The following INSR variants were observed in gnomAD, a reference collection of about 807,000 sequenced individuals.
INSR encodes IR.
Under a neutral mutation model 142.6 loss-of-function variants are expected in INSR, and 67 were observed. The observed-to-expected ratio is 0.47, with a 90% CI of 0.39 to 0.58. The LOEUF (loss-of-function observed/expected upper bound fraction) is 0.58, where lower values mean the gene tolerates loss of function less well. Ranked by LOEUF, INSR falls within the 20% of genes least tolerant of loss-of-function variation. The pLI is 0.00. For synonymous variants in INSR, 756 were observed against 743.1 expected, an observed-to-expected ratio of 1.02 and a Z score of -0.28; for missense variants, 1,248 against 1,833.2, an observed-to-expected ratio of 0.68 and a Z score of 5.83.
intron 9 of INSR, among the ~76,000 whole-genome samples, chr19:7,154,376 C>T (rs1478797311): frequency 2.1e-5 from 3 of 139,646 alleles, no homozygotes; most frequent in East Asian, 2.3e-4. Context: ...GATCTTGGCT[C>T]ACTGCAAGCT....
At chr19:7,189,734 G>C (rs1020298739) in intron 2 of INSR, among the ~76,000 whole-genome samples, 1 of 148,884 alleles carries the variant, frequency 6.7e-6, no homozygotes, top group African/African-American at 2.5e-5. Context: ...TGCCATCTCC[G>C]CTCACTGTAA....
chr19:7,191,162 T>TG (rs1974574782), intron 2 of INSR, among the ~76,000 whole-genome samples: 1 of 152,050 alleles, frequency 6.6e-6, no homozygotes, highest in African/African-American at 2.4e-5. Context: ...ACAGGCGTGG[T>TG]GGCAGGTGCC....
At chr19:7,246,137 C>G (rs144825408) in intron 2 of INSR, among the ~76,000 whole-genome samples, 1 of 152,178 alleles carries the variant, frequency 6.6e-6, no homozygotes, top group African/African-American at 2.4e-5. Flanking sequence ...CCACTGTTTC[C>G]CACTCCAGGG....
intron 11 of INSR, among the ~76,000 whole-genome samples, chr19:7,148,590 G>C (rs1041210616): frequency 7.0e-6 from 1 of 143,466 alleles, no homozygotes; most frequent in Admixed American, 7.5e-5. Context: ...TGATTCTCCT[G>C]CCTCGGCCTC....
intron 2 of INSR, among the ~76,000 whole-genome samples, chr19:7,230,798 T>G (rs1284490259): frequency 9.6e-6 from 1 of 104,030 alleles, no homozygotes; most frequent in African/African-American, 4.1e-5. Flanking sequence ...ACAGTGAGAC[T>G]CCATCTCAAA....
intron 2 of INSR, among the ~76,000 whole-genome samples, chr19:7,213,989 C>CAAAAAAAA (rs532464276): frequency 2.1e-5 from 3 of 141,048 alleles, no homozygotes; most frequent in African/African-American, 7.9e-5. Context: ...GACTTTGTCT[C>CAAAAAAAA]AAAAAAAAAA....
In INSR at chr19:7,125,290, T is replaced by C; in HGVS notation, c.3251A>G (p.His1084Arg). The C allele has an allele frequency of 6.2e-7, 1 of 1,614,034 alleles. No homozygotes were observed. Among genetic ancestry groups the C allele is most frequent in the Non-Finnish European group, 8.5e-7 (1 of 1,180,016 alleles). ...CACCCCCACTGGACTCACCACGTGA[T>C]GGCAGGTGAAGCCCTTCATGACCGA... ...EASVMKGFTC[H>R]HVVRLLGVVS... Residue 1084 changes from histidine (H) to arginine (R), a missense_variant, in exon 17 of 22, where the codon CAT becomes CGT. Coordinates refer to ENST00000302850, the MANE Select transcript of INSR (RefSeq NM_000208.4). This position sits in a 1 kb window ranked among gnomAD's most constrained non-coding sequence, Gnocchi z 4.9.
intron 2 of INSR, among the ~76,000 whole-genome samples, chr19:7,186,068 C>T (rs1420689247): frequency 6.7e-6 from 1 of 149,502 alleles, no homozygotes; most frequent in Admixed American, 6.7e-5. Flanking sequence ...TGGTGGTGGG[C>T]GTCTGTAATC....
At position 7,267,221 on chromosome 19, in the gene INSR, G is replaced by GCCACCAC; in HGVS notation, c.652+117_652+123dup. The GCCACCAC allele has an allele frequency of 1.0e-6, 1 of 985,028 alleles. No individual in the cohort carries two copies. The highest frequency in any genetic ancestry group is 1.6e-6 in the Non-Finnish European group (1 of 632,306). The allele number at this position is 985,028 out of a possible 1,614,324, so 61.0% of individuals were successfully genotyped here. The stretch of plus-strand genomic sequence containing the variant: ...TCTGCCACTCCCTGGGCTAGTGAAT[G>GCCACCAC]CCACCACCCACTATTCCCCGGCCCC... On this transcript the variant is annotated intron_variant, in intron 2 of 21. Transcript: ENST00000302850. This position sits in a 1 kb window ranked among gnomAD's most constrained non-coding sequence, Gnocchi z 6.3.
chr19:7,174,787 T>A (rs1255215802), intron 3 of INSR, 56 bp from the exon 4 acceptor site: 1 of 1,555,584 alleles, frequency 6.4e-7, no homozygotes, highest in Non-Finnish European at 8.8e-7. Context: ...TGTCACGGTA[T>A]CCAAGGTCCT....
At position 7,122,899 on chromosome 19, in the gene INSR, A is replaced by C; in HGVS notation, c.3349T>G (p.Ser1117Ala). The change falls in exon 18 of 22, where the codon TCT (serine) becomes GCT (alanine). Residue 1117 changes from serine (S) to alanine (A), a missense_variant. Ser to Ala is a moderately conservative substitution (Grantham distance 99). Coordinates refer to ENST00000302850, the MANE Select transcript of INSR (RefSeq NM_000208.4). Reference sequence around the variant, plus strand: ...CTTACCTCAGCCTCTGGCCGCAGAGAACGGAGGTAGCTCTTCAGGTCTCCG... The same window carrying C: ...CTTACCTCAGCCTCTGGCCGCAGAGCACGGAGGTAGCTCTTCAGGTCTCCG... ...AHGDLKSYLR[S>A]LRPEAENNPG... 1.2e-6 allele frequency: 2 copies of C among 1,608,612 alleles called. No homozygotes were observed.
At chr19:7,273,668 G>A (rs900684299) in intron 1 of INSR, among the ~76,000 whole-genome samples, 1 of 151,694 alleles carries the variant, frequency 6.6e-6, no homozygotes, top group African/African-American at 2.4e-5. Context: ...ACAGGCGTGT[G>A]CCACCACACC....
chr19:7,142,813 T>C lies in INSR; in HGVS notation c.2542+3A>G, dbSNP rs13306451. The C allele has an allele frequency of 9.3e-3, 14,997 of 1,613,910 alleles. 164 individuals carry two copies. Among genetic ancestry groups the C allele is most frequent in the African/African-American group, 0.043 (3,239 of 75,036 alleles). ...CACTCGGACCCCGGAGCAGCAGCCC[T>C]ACCTTCAGGCATGGTCCTCGCACTG... On this transcript the variant is annotated splice_donor_region_variant and intron_variant, in intron 12 of 21. Coordinates refer to ENST00000302850, the MANE Select transcript of INSR (RefSeq NM_000208.4).
Position 7,279,589 on chromosome 19 carries a change from G to A in INSR, c.101-11693C>T, listed in dbSNP as rs75798583. Among the ~76,000 whole-genome samples, 1,070 of 151,556 alleles carry A rather than the reference G, an allele frequency of 7.1e-3. 12 individuals are homozygous for A. The highest frequency in any genetic ancestry group is 0.025 in the African/African-American group (1,033 of 41,312). On this transcript the variant is annotated intron_variant, in intron 1 of 21. Coordinates refer to ENST00000302850, the MANE Select transcript of INSR (RefSeq NM_000208.4). ...TGGGATACTCAGGGATGTGGGTCCC[G>A]TGGGCATTGGGAAGATGGGGGAACA...
intron 2 of INSR, among the ~76,000 whole-genome samples, chr19:7,194,543 C>CT (rs1974691331): frequency 1.2e-5 from 1 of 80,882 alleles, no homozygotes; most frequent in Non-Finnish European, 2.2e-5. Flanking sequence ...GACAAAATCT[C>CT]TTTCTGTCAC....
At position 7,139,167 on chromosome 19, in the gene INSR, G is replaced by C. The variant is rs534319479; in HGVS notation, c.2682+2510C>G. 5.2e-4 allele frequency among the ~76,000 whole-genome samples: 79 copies of C among 152,312 alleles called. 1 individual carries two copies. Among genetic ancestry groups the C allele is most frequent in the African/African-American group, 1.9e-3 (77 of 41,572 alleles). ...CCAAGTGCCCCCAGCTGAGGCCCCAGCCATGTGAATGAGGCCATCCAGCCC... is the reference window on the plus strand; with the variant it reads ...CCAAGTGCCCCCAGCTGAGGCCCCACCCATGTGAATGAGGCCATCCAGCCC... On this transcript the variant is annotated intron_variant, in intron 13 of 21. Transcript: ENST00000302850.
Position 7,267,806 on chromosome 19 carries a change from A to G in INSR, c.191T>C (p.Leu64Ser). ...ATCTTCGGGCCTCGTTTTGAACATC[A>G]AGAGTATCTGCAAGTGTCCTTCGAT... ...SVIEGHLQIL[L>S]MFKTRPEDFR... Residue 64 changes from leucine to serine, a missense_variant, in exon 2 of 22, where the codon TTG (leucine) becomes TCG (serine). Transcript: ENST00000302850. The surrounding 1 kb of genome is among the most constrained non-coding windows in gnomAD (Gnocchi z 6.3). The G allele has an allele frequency of 6.2e-7, 1 of 1,614,122 alleles. No individual in the cohort carries two copies. Among genetic ancestry groups the G allele is most frequent in the Non-Finnish European group, 8.5e-7 (1 of 1,179,992 alleles).
chr19:7,251,572 T>C (rs905027831), intron 2 of INSR, among the ~76,000 whole-genome samples: 1 of 151,998 alleles, frequency 6.6e-6, no homozygotes, highest in South Asian at 2.1e-4. Flanking sequence ...TCAATTTTTT[T>C]TTTTAATGGG....
intron 2 of INSR, among the ~76,000 whole-genome samples, chr19:7,237,611 C>T (rs1056245856): frequency 6.6e-6 from 1 of 151,892 alleles, no homozygotes; most frequent in African/African-American, 2.4e-5. Context: ...GTCAGGAGAT[C>T]GAGACCATCC....
Sources: gnomAD v4.1 joint callset for allele counts (sites outside exome capture counted in the v4.1 genomes callset) on GRCh38, gnomAD v4.1.1 for gene constraint, Gnocchi (gnomAD v3.1) non-coding constraint, MANE v1.5 for transcripts, NCBI Gene and HGNC (gene_info 2026-07-23, HGNC 2026-07-21) for gene names.